The following PEPD variants were observed in gnomAD, a reference collection of about 807,000 sequenced individuals.
PEPD encodes the protein peptidase D.
In PEPD, 53 loss-of-function variants were observed where a neutral mutation model predicts 60.7. The observed-to-expected ratio is 0.87, with a 90% CI of 0.70 to 1.10. PEPD has a LOEUF of 1.10. Among genes scored for constraint, PEPD ranks in the 50% least tolerant of loss-of-function variants. PEPD has a pLI of 0.00. For missense variants in PEPD, 711 were observed against 711.9 expected, an observed-to-expected ratio of 1.00 and a Z score of 0.01; for synonymous variants, 267 against 284.1, an observed-to-expected ratio of 0.94 and a Z score of 0.60.
chr19:33,415,730 C>A (rs73927852), intron 9 of PEPD, among the ~76,000 whole-genome samples: 17,435 of 152,218 alleles, frequency 0.11, 1,183 homozygotes, highest in East Asian at 0.24. Context: ...CCAGTTTTCA[C>A]CTGCAAAGTG....
At chr19:33,480,696 G>A (rs2145301867) in intron 6 of PEPD, among the ~76,000 whole-genome samples, 1 of 152,274 alleles carries the variant, frequency 6.6e-6, no homozygotes, top group Middle Eastern at 3.4e-3. Context: ...TCAGGAGGCT[G>A]AGGCAAGAGA....
chr19:33,508,607 C>A (rs919500523), intron 3 of PEPD, among the ~76,000 whole-genome samples: 1 of 152,208 alleles, frequency 6.6e-6, no homozygotes, highest in African/African-American at 2.4e-5. Context: ...GTGCTGCTGG[C>A]GGCTGGGGTC....
intron 11 of PEPD, 135 bp downstream of exon 11, chr19:33,411,537 G>A: frequency 1.4e-6 from 1 of 697,880 alleles, no homozygotes. Context: ...AGAAGTCTGG[G>A]CCAAGAAGCC....
intron 2 of PEPD, 152 bp from the exon 3 acceptor site, chr19:33,511,307 G>A (rs999207397): frequency 1.3e-5 from 10 of 747,776 alleles, no homozygotes; most frequent in South Asian, 4.5e-5. Context: ...CTCAGCACTC[G>A]ACTCCCCAGC....
chr19:33,458,142 T>C (rs909416517), intron 9 of PEPD, among the ~76,000 whole-genome samples: 2 of 150,728 alleles, frequency 1.3e-5, no homozygotes, highest in African/African-American at 4.9e-5. Context: ...GTATGTATGG[T>C]GTGGTGTGTG....
intron 8 of PEPD, 149 bp from the exon 9 acceptor site, chr19:33,463,190 C>G: frequency 1.4e-6 from 1 of 703,592 alleles, no homozygotes; most frequent in Admixed American, 2.1e-5. Context: ...AGACATGTGA[C>G]AAATTAGAAC....
At chr19:33,398,730 G>A (rs1050777340) in intron 12 of PEPD, among the ~76,000 whole-genome samples, 2 of 152,260 alleles carry the variant, frequency 1.3e-5, no homozygotes, top group Non-Finnish European at 2.9e-5. Context: ...AGGCTGGATT[G>A]GATTTGACAG....
intron 12 of PEPD, among the ~76,000 whole-genome samples, chr19:33,393,076 C>T (rs1455856256): frequency 6.7e-6 from 1 of 150,226 alleles, no homozygotes; most frequent in Admixed American, 6.6e-5. Flanking sequence ...GACCTGCCCC[C>T]ACCCCCCACA....
intron 9 of PEPD, among the ~76,000 whole-genome samples, chr19:33,423,952 T>C (rs758696505): frequency 6.6e-6 from 1 of 152,246 alleles, no homozygotes; most frequent in Non-Finnish European, 1.5e-5. Context: ...CTAGAATTTA[T>C]TGTGATGTAG....
At chr19:33,417,224 C>A (rs1968909133) in intron 9 of PEPD, among the ~76,000 whole-genome samples, 1 of 152,266 alleles carries the variant, frequency 6.6e-6, no homozygotes, top group South Asian at 2.1e-4. Context: ...CTGGCCACAT[C>A]ATTCCCTTTC....
At chr19:33,454,117 CAAGAT>C (rs1042093714) in intron 9 of PEPD, among the ~76,000 whole-genome samples, 17 of 152,224 alleles carry the variant, frequency 1.1e-4, no homozygotes, top group African/African-American at 3.4e-4. Flanking sequence ...AGGGAACAGA[CAAGAT>C]GAGCCCGGTG....
chr19:33,504,921 G>C (rs1970771730), intron 3 of PEPD, among the ~76,000 whole-genome samples: 1 of 152,152 alleles, frequency 6.6e-6, no homozygotes, highest in South Asian at 2.1e-4. Context: ...ACAGGGGTCA[G>C]CATCCAGGGA....
intron 3 of PEPD, among the ~76,000 whole-genome samples, chr19:33,503,496 C>T (rs1360446006): frequency 2.0e-5 from 3 of 152,110 alleles, no homozygotes; most frequent in African/African-American, 7.2e-5. Flanking sequence ...TGATGACGAG[C>T]GCCTCGCCTG....
Position 33,388,078 on chromosome 19 carries a change from C to T in PEPD, c.1156G>A (p.Val386Met), listed in dbSNP as rs886054334. The T allele has an allele frequency of 2.3e-5, 36 of 1,547,040 alleles. No individual in the cohort carries two copies. The highest frequency in any genetic ancestry group is 3.0e-5 in the Non-Finnish European group (34 of 1,147,256). Residue 386 changes from valine (V) to methionine (M), a missense_variant, in exon 14 of 15, where the codon GTG (valine) becomes ATG (methionine). Physicochemically the swap from Val to Met is conservative, Grantham distance 21. Transcript: ENST00000244137. ...VHDVGGYPEGVERIDEPGLRS... is the reference protein window; with the variant it reads ...VHDVGGYPEGMERIDEPGLRS... ...AGGCCGGGCTCGTCGATGCGCTCCA[C>T]GCCCTGTGGGGAACAGAGGTGAGGG... is the stretch of plus-strand genomic sequence containing the variant.
chr19:33,396,783 G>A (rs903500758), intron 12 of PEPD, among the ~76,000 whole-genome samples: 7 of 152,120 alleles, frequency 4.6e-5, no homozygotes, highest in Admixed American at 2.0e-4. Flanking sequence ...GCTTGCAGGC[G>A]GAGGGCATGG....
At position 33,490,061 on chromosome 19, in the gene PEPD, G is replaced by A. The variant is rs1970469733; in HGVS notation, c.442-4C>T. On this transcript the variant is annotated splice_polypyrimidine_tract_variant and splice_region_variant and intron_variant, in intron 5 of 14. Coordinates refer to ENST00000244137, the MANE Select transcript of PEPD (RefSeq NM_000285.4). ...CGCTGTCCGTGTTGACGCCACGCTG[G>A]GGAGAGAGAACACAGACATGACACA... 3 of 1,609,812 alleles carry A rather than the reference G, an allele frequency of 1.9e-6. No homozygotes were observed. Among genetic ancestry groups the A allele is most frequent in the African/African-American group, 1.3e-5 (1 of 74,938 alleles).
At chr19:33,425,394 C>T (rs952603326) in intron 9 of PEPD, among the ~76,000 whole-genome samples, 7 of 152,134 alleles carry the variant, frequency 4.6e-5, no homozygotes, top group East Asian at 1.9e-4. Flanking sequence ...CTCTAAGGAA[C>T]GCTGGCACCC....
chr19:33,500,159 TG>T (rs2145334196), intron 4 of PEPD, among the ~76,000 whole-genome samples: 1 of 152,340 alleles, frequency 6.6e-6, no homozygotes, highest in South Asian at 2.1e-4. Context: ...CATTGACTTC[TG>T]GGTGCTTCAC....
chr19:33,493,806 A>G (rs1220705957), intron 4 of PEPD, among the ~76,000 whole-genome samples: 1 of 151,406 alleles, frequency 6.6e-6, no homozygotes, highest in Non-Finnish European at 1.5e-5. Context: ...GCCTTCCCCA[A>G]TCCCACCCTC....
Sources: gnomAD v4.1 joint callset for allele counts (sites outside exome capture counted in the v4.1 genomes callset) on GRCh38, gnomAD v4.1.1 for gene constraint, MANE v1.5 for transcripts, NCBI Gene and HGNC (gene_info 2026-07-23, HGNC 2026-07-21) for gene names.